Variants in COL28A1 observed in about 807,000 individuals in gnomAD.
The protein encoded by COL28A1 is collagen alpha-1(XXVIII) chain.
Under a neutral mutation model 150.2 loss-of-function variants are expected in COL28A1, and 161 were observed. The ratio of observed to expected loss-of-function variants is 1.07; its 90% CI spans 0.94 to 1.22. The LOEUF (loss-of-function observed/expected upper bound fraction) is 1.22, where lower values mean the gene tolerates loss of function less well. Ranked by LOEUF, COL28A1 falls within the 50% of genes most tolerant of loss-of-function variation. The pLI, the probability that COL28A1 is intolerant of heterozygous loss-of-function variation, is 0.00. For missense variants in COL28A1, 1,617 were observed against 1,388.3 expected, an observed-to-expected ratio of 1.16 and a Z score of -2.62; for synonymous variants, 552 against 469.7, an observed-to-expected ratio of 1.18 and a Z score of -2.26.
chr7:7,417,580 T>C, intron 27 of COL28A1: 1 of 304,142 alleles, frequency 3.3e-6, no homozygotes, highest in Non-Finnish European at 5.8e-6. Flanking sequence ...CAACTGAGTA[T>C]AAATTCTCCA....
chr7:7,460,292 T>G (rs1385204699), intron 15 of COL28A1, among the ~76,000 whole-genome samples: 1 of 152,214 alleles, frequency 6.6e-6, no homozygotes, highest in East Asian at 1.9e-4. Context: ...AAATGAGTTT[T>G]CTGATTTTAA....
At position 7,431,618 on chromosome 7, in the gene COL28A1, T is replaced by G. The variant is rs1031436521; in HGVS notation, c.1998+855A>C. The G allele has an allele frequency of 6.2e-5, 29 of 470,958 alleles. No homozygotes were observed. The Middle Eastern group carries it at 1.3e-3, about 21-fold the overall frequency. 29.2% of individuals were successfully genotyped at this position (470,958 alleles called of 1,614,324 possible). On this transcript the variant is annotated intron_variant, in intron 25 of 34. Coordinates refer to ENST00000399429, the MANE Select transcript of COL28A1 (RefSeq NM_001037763.3). ...GAAGCTGCAGTCGGGGCATGAAGGATCTTCAAGGCCATGGGAAGTGTTCAA... is the reference window on the plus strand; with the variant it reads ...GAAGCTGCAGTCGGGGCATGAAGGAGCTTCAAGGCCATGGGAAGTGTTCAA...
chr7:7,358,427 T>TCGCCG lies in COL28A1; in HGVS notation c.*205_*206insCGGCG. ...TTTTAGTTGGGTGACAGTTGACAAG[T>TCGCCG]TACTAAACTTCTCAGAGCCTCAGCT... On this transcript the variant is annotated 3_prime_UTR_variant, in exon 35 of 35. Coordinates refer to ENST00000399429, the MANE Select transcript of COL28A1 (RefSeq NM_001037763.3). 1 of 463,076 alleles carries TCGCCG rather than the reference T, an allele frequency of 2.2e-6. No individual in the cohort carries two copies. Among genetic ancestry groups the TCGCCG allele is most frequent in the South Asian group, 4.1e-5 (1 of 24,684 alleles). 28.7% of individuals were successfully genotyped at this position (463,076 alleles called of 1,614,324 possible).
intron 13 of COL28A1, 90 bp from the exon 14 acceptor site, chr7:7,477,270 G>T (rs373835605): frequency 1.1e-4 from 83 of 758,716 alleles, no homozygotes; most frequent in Middle Eastern, 4.6e-4. Flanking sequence ...GAAAGAGAAT[G>T]GTTATATTTC....
Position 7,432,667 on chromosome 7 carries a change from GAGC to G in COL28A1, c.1891_1893del (p.Ala631del). On this transcript the variant is annotated inframe_deletion, in exon 24 of 35. Coordinates refer to ENST00000399429, the MANE Select transcript of COL28A1 (RefSeq NM_001037763.3). Reference sequence around the variant, plus strand: ...GGATAGCCATCACCTTTGAGTCCTGGAGCACCCACTGGTCCCCGAGGGCCTTGG... The same window carrying G: ...GGATAGCCATCACCTTTGAGTCCTGGACCCACTGGTCCCCGAGGGCCTTGG... 6.2e-7 allele frequency: 1 copy of G among 1,613,930 alleles called. No homozygotes were observed. Among genetic ancestry groups the G allele is most frequent in the Non-Finnish European group, 8.5e-7 (1 of 1,179,978 alleles).
At chr7:7,417,629 C>G (rs983435838) in intron 27 of COL28A1, 3 of 499,430 alleles carry the variant, frequency 6.0e-6, no homozygotes, top group Non-Finnish European at 1.0e-5. Context: ...AACCATAGAA[C>G]AGTTCACTTT....
intron 11 of COL28A1, among the ~76,000 whole-genome samples, chr7:7,501,951 A>C (rs6463697): frequency 1.3e-5 from 2 of 151,844 alleles, no homozygotes; most frequent in African/African-American, 4.8e-5. Context: ...GCTGGAGTGC[A>C]GTGGTGCAAT....
chr7:7,527,074 G>T (rs1782064501), intron 3 of COL28A1, among the ~76,000 whole-genome samples: 1 of 151,992 alleles, frequency 6.6e-6, no homozygotes, highest in Admixed American at 6.6e-5. Context: ...AGAAATATGT[G>T]GCATAAGGCT....
downstream of COL28A1, chr7:7,356,883 G>T (rs1780376023): frequency 6.6e-6 from 1 of 151,992 alleles, no homozygotes; most frequent in South Asian, 2.1e-4. Context: ...ATCTTTTGTA[G>T]TATCAAATAT....
At chr7:7,512,719 G>A (rs184123006) in intron 8 of COL28A1, among the ~76,000 whole-genome samples, 115 of 152,030 alleles carry the variant, frequency 7.6e-4, no homozygotes, top group African/African-American at 2.5e-3. Context: ...TATATATATC[G>A]TTATTTTGAT....
chr7:7,510,925 G>A (rs1279393293), intron 9 of COL28A1, among the ~76,000 whole-genome samples, 166 bp downstream of exon 9: 1 of 152,124 alleles, frequency 6.6e-6, no homozygotes, highest in Admixed American at 6.6e-5. Context: ...TATTGAGTTA[G>A]GCATCACTTT....
intron 27 of COL28A1, among the ~76,000 whole-genome samples, chr7:7,390,261 T>G (rs1026042432): frequency 2.0e-5 from 3 of 152,230 alleles, no homozygotes; most frequent in African/African-American, 7.2e-5. Flanking sequence ...ATGTGGTTTT[T>G]GTCATTGGTT....
At chr7:7,409,450 G>T (rs995048046) in intron 27 of COL28A1, among the ~76,000 whole-genome samples, 1 of 151,668 alleles carries the variant, frequency 6.6e-6, no homozygotes. Context: ...AGAAATGAAG[G>T]AAAAGGAGAG....
At chr7:7,348,617 TCTG>T in the COL28A1 span, among the ~76,000 whole-genome samples, 3 of 150,428 alleles carry the variant, frequency 2.0e-5, no homozygotes, top group Non-Finnish European at 4.4e-5. Flanking sequence ...CTATTTATTT[TCTG>T]CTTCCTATTT....
chr7:7,485,342 T>A (rs188116946), intron 13 of COL28A1, among the ~76,000 whole-genome samples: 483 of 152,264 alleles, frequency 3.2e-3, no homozygotes, highest in African/African-American at 9.2e-3. Context: ...GAATTTTTTT[T>A]AAAAATGTAT....
At chr7:7,350,655 C>CTTTTT in the COL28A1 span, among the ~76,000 whole-genome samples, 5 of 115,072 alleles carry the variant, frequency 4.3e-5, no homozygotes, top group Non-Finnish European at 8.5e-5. Flanking sequence ...GTTTTCTTTC[C>CTTTTT]TTTTTTTTTT....
At chr7:7,417,488 T>A (rs1583323653) in intron 27 of COL28A1, 1 of 203,714 alleles carries the variant, frequency 4.9e-6, no homozygotes, top group Non-Finnish European at 8.3e-6. Flanking sequence ...GTGAGGAAGG[T>A]AAGGGAAGGA....
chr7:7,341,940 C>G, the COL28A1 span, among the ~76,000 whole-genome samples: 2 of 152,002 alleles, frequency 1.3e-5, no homozygotes, highest in Admixed American at 6.6e-5. Flanking sequence ...GCACAGTGTT[C>G]AATATACTTC....
intron 30 of COL28A1, among the ~76,000 whole-genome samples, chr7:7,377,266 T>G (rs1409756324): frequency 6.6e-6 from 1 of 152,222 alleles, no homozygotes; most frequent in Non-Finnish European, 1.5e-5. Flanking sequence ...TCTTTGCATT[T>G]AAGTGACTGG....
Sources: gnomAD v4.1 joint callset for allele counts (sites outside exome capture counted in the v4.1 genomes callset) on GRCh38, gnomAD v4.1.1 for gene constraint, MANE v1.5 for transcripts, NCBI Gene and HGNC (gene_info 2026-07-23, HGNC 2026-07-21) for gene names.